Variants in PPP6R3 observed in about 807,000 individuals in gnomAD.
PPP6R3 encodes serine/threonine-protein phosphatase 6 regulatory subunit 3.
In PPP6R3, 38 loss-of-function variants were observed where a neutral mutation model predicts 110.7. The ratio of observed to expected loss-of-function variants is 0.34; its 90% CI spans 0.26 to 0.45. The LOEUF is 0.45. Among genes scored for constraint, PPP6R3 ranks in the 20% least tolerant of loss-of-function variants. The pLI is 1.00. For synonymous variants in PPP6R3, 369 were observed against 373.5 expected, an observed-to-expected ratio of 0.99 and a Z score of 0.14; for missense variants, 870 against 1,062.4, an observed-to-expected ratio of 0.82 and a Z score of 2.52.
chr11:68,470,695 G>A (rs530532740), intron 1 of PPP6R3, among the ~76,000 whole-genome samples: 2 of 152,308 alleles, frequency 1.3e-5, no homozygotes, highest in East Asian at 1.9e-4. Flanking sequence ...AGGGGTGGGA[G>A]TGAGAAGAGG....
At chr11:68,601,291 T>C (rs2099631033) in intron 20 of PPP6R3, among the ~76,000 whole-genome samples, 1 of 152,224 alleles carries the variant, frequency 6.6e-6, no homozygotes, top group Non-Finnish European at 1.5e-5. Context: ...TGCTTCTCTT[T>C]ACCCTCTGTG....
intron 1 of PPP6R3, among the ~76,000 whole-genome samples, chr11:68,481,693 A>C (rs1276587122): frequency 1.3e-5 from 2 of 152,198 alleles, no homozygotes; most frequent in Admixed American, 6.5e-5. Context: ...AACATTTTTC[A>C]CTTTTTGGTA....
At chr11:68,581,114 C>G (rs1593522510) in intron 14 of PPP6R3, among the ~76,000 whole-genome samples, 1 of 152,136 alleles carries the variant, frequency 6.6e-6, no homozygotes, top group African/African-American at 2.4e-5. Context: ...TGATTTCAGA[C>G]TCAGATGGTG....
At chr11:68,605,396 TACATGAA>T (rs2153956496) in intron 22 of PPP6R3, among the ~76,000 whole-genome samples, 1 of 152,318 alleles carries the variant, frequency 6.6e-6, no homozygotes, top group South Asian at 2.1e-4. Context: ...CCCCCTCCAC[TACATGAA>T]CTTGTTACAT....
chr11:68,499,608 AC>A (rs1204337146), intron 1 of PPP6R3, among the ~76,000 whole-genome samples: 1 of 151,976 alleles, frequency 6.6e-6, no homozygotes, highest in Non-Finnish European at 1.5e-5. Flanking sequence ...TTATTCTGTC[AC>A]CCAGGCTGGA....
At chr11:68,479,174 C>T (rs1374757872) in intron 1 of PPP6R3, among the ~76,000 whole-genome samples, 3 of 152,096 alleles carry the variant, frequency 2.0e-5, no homozygotes, top group South Asian at 2.1e-4. Flanking sequence ...AGGGATATGG[C>T]GTACCATTAA....
intron 7 of PPP6R3, among the ~76,000 whole-genome samples, chr11:68,554,740 T>C (rs1051994391): frequency 1.3e-5 from 2 of 152,314 alleles, no homozygotes; most frequent in Non-Finnish European, 1.5e-5. Context: ...CACATGTTTT[T>C]AAAAAGAATG....
chr11:68,490,432 G>A (rs2098976660), intron 1 of PPP6R3, among the ~76,000 whole-genome samples: 1 of 151,868 alleles, frequency 6.6e-6, no homozygotes, highest in African/African-American at 2.4e-5. Flanking sequence ...GGGGGTAAGT[G>A]GGGAGGTCAT....
chr11:68,573,628 T>C (rs1324582213), intron 12 of PPP6R3, among the ~76,000 whole-genome samples: 1 of 152,292 alleles, frequency 6.6e-6, no homozygotes, highest in East Asian at 1.9e-4. Context: ...AGACATGTCA[T>C]TGGTAGATAA....
At chr11:68,541,121 CA>C (rs1459090306) in intron 3 of PPP6R3, among the ~76,000 whole-genome samples, 1 of 152,190 alleles carries the variant, frequency 6.6e-6, no homozygotes, top group Non-Finnish European at 1.5e-5. Flanking sequence ...TAAAGACAGA[CA>C]TAAGAAATCA....
intron 2 of PPP6R3, among the ~76,000 whole-genome samples, chr11:68,531,034 G>A (rs2099236023): frequency 1.3e-5 from 2 of 152,150 alleles, no homozygotes; most frequent in Non-Finnish European, 1.5e-5. Flanking sequence ...CTTGTTGAAT[G>A]AAAACCCACT....
chr11:68,475,952 G>A (rs1315960275), intron 1 of PPP6R3, among the ~76,000 whole-genome samples: 4 of 150,580 alleles, frequency 2.7e-5, no homozygotes, highest in African/African-American at 7.3e-5. Context: ...GATGGCGGCC[G>A]GGAAGAGGCG....
chr11:68,548,319 G>A, intron 5 of PPP6R3, 115 bp downstream of exon 5: 1 of 1,357,886 alleles, frequency 7.4e-7, no homozygotes, highest in South Asian at 1.5e-5. Flanking sequence ...GCAGAGGGTT[G>A]TCTGGGGAGC....
At chr11:68,502,253 C>T (rs2099052555) in intron 1 of PPP6R3, among the ~76,000 whole-genome samples, 1 of 152,102 alleles carries the variant, frequency 6.6e-6, no homozygotes, top group Non-Finnish European at 1.5e-5. Flanking sequence ...AATATTATTT[C>T]AACATATAAT....
rs1031225156 is a variant in PPP6R3, at chr11:68,590,574, C to A, written c.1731-86C>A. 13 of 1,358,232 alleles carry A rather than the reference C, an allele frequency of 9.6e-6. No individual in the cohort carries two copies. The African/African-American group carries it at 1.8e-4, about 18-fold the overall frequency. The allele number at this position is 1,358,232 out of a possible 1,614,324, so 84.1% of individuals were successfully genotyped here. ...GAGATTTTGATGATAGTGTAAATATCTTAAATTTGGAAACTTTCATAAATA... is the reference window on the plus strand; with the variant it reads ...GAGATTTTGATGATAGTGTAAATATATTAAATTTGGAAACTTTCATAAATA... On this transcript the variant is annotated intron_variant, in intron 16 of 23. Transcript: ENST00000393800.
intron 19 of PPP6R3, among the ~76,000 whole-genome samples, chr11:68,596,711 G>C (rs1362491586): frequency 2.6e-5 from 4 of 152,180 alleles, no homozygotes; most frequent in Non-Finnish European, 5.9e-5. Context: ...CTTGTGCCCT[G>C]CTCCTTGCTA....
At position 68,591,584 on chromosome 11, in the gene PPP6R3, T is replaced by C. The variant is rs2099595589; in HGVS notation, c.1794T>C (p.Ile598=). The change falls in exon 18 of 24, where the codon ATT becomes ATC. Residue 598 remains isoleucine (I), a synonymous_variant. Coordinates refer to ENST00000393800, the MANE Select transcript of PPP6R3 (RefSeq NM_001164161.2). ...FTLNTNESGN[I]ALFEACCKER... is the part of the protein sequence containing the mutation. ...CTCTCATTTTTATTTAGGGAAATAT[T>C]GCCTTGTTTGAAGCATGTTGTAAGG... is the stretch of plus-strand genomic sequence containing the variant. 2 of 1,594,048 alleles carry C rather than the reference T, an allele frequency of 1.3e-6. No individual in the cohort carries two copies. Among genetic ancestry groups the C allele is most frequent in the African/African-American group, 2.7e-5 (2 of 74,046 alleles).
At chr11:68,594,918 C>T (rs1011894518) in intron 18 of PPP6R3, among the ~76,000 whole-genome samples, 2 of 152,128 alleles carry the variant, frequency 1.3e-5, no homozygotes, top group African/African-American at 4.8e-5. Flanking sequence ...CAGGCCTACG[C>T]ATATATGGAC....
chr11:68,600,718 T>G (rs2099629249), intron 20 of PPP6R3, among the ~76,000 whole-genome samples: 1 of 152,218 alleles, frequency 6.6e-6, no homozygotes. Flanking sequence ...GGAGTAGTTC[T>G]TGAACAAAGT....
Sources: gnomAD v4.1 joint callset for allele counts (sites outside exome capture counted in the v4.1 genomes callset) on GRCh38, gnomAD v4.1.1 for gene constraint, MANE v1.5 for transcripts, NCBI Gene and HGNC (gene_info 2026-07-23, HGNC 2026-07-21) for gene names.